The following SINHCAF variants were observed in gnomAD, a reference collection of about 807,000 sequenced individuals.
The protein encoded by SINHCAF is SIN3-HDAC complex-associated factor.
In SINHCAF, 3 loss-of-function variants were observed where a neutral mutation model predicts 25.8. The ratio of observed to expected loss-of-function variants is 0.12; its 90% CI spans 0.05 to 0.30. The LOEUF (loss-of-function observed/expected upper bound fraction) is 0.30, where lower values mean the gene tolerates loss of function less well. Among genes scored for constraint, SINHCAF ranks in the 10% least tolerant of loss-of-function variants. SINHCAF has a pLI of 1.00. For synonymous variants in SINHCAF, 70 were observed against 85.5 expected (o/e 0.82, Z 1.00); for missense variants, 121 against 262.3 (o/e 0.46, Z 3.72).
intron 1 of SINHCAF, among the ~76,000 whole-genome samples, chr12:31,299,071 G>A (rs1938670016): frequency 1.3e-5 from 2 of 151,880 alleles, no homozygotes; most frequent in African/African-American, 4.8e-5. Flanking sequence ...GTCAAGGAAG[G>A]AATGAAAACA....
At position 31,304,655 on chromosome 12, in the gene SINHCAF, T is replaced by C. The variant is rs77417367; in HGVS notation, c.-20-6431A>G. 14 of 152,300 alleles carry C rather than the reference T, an allele frequency of 9.2e-5. No individual in the cohort carries two copies. In the East Asian group the frequency reaches 2.3e-3, roughly 25 times the overall value. 9.4% of individuals were successfully genotyped at this position (152,300 alleles called of 1,614,324 possible). A position where few individuals can be genotyped will look rare whatever the true frequency, so the allele number is the denominator to read the frequency against. ...TTTGGAGGGAACTGATGTAAGTATA[T>C]GGTAACATTTGGAGTGTCAGAAAAA... On this transcript the variant is annotated intron_variant, in intron 1 of 5. Transcript: ENST00000337682.
intron 1 of SINHCAF, among the ~76,000 whole-genome samples, chr12:31,321,844 G>C (rs533619737): frequency 1.3e-5 from 2 of 152,176 alleles, no homozygotes; most frequent in Admixed American, 6.5e-5. Flanking sequence ...CTGTATAGTT[G>C]GTTTAGATTT....
chr12:31,287,611 G>C, intron 5 of SINHCAF, 23 bp downstream of exon 5: 1 of 1,557,782 alleles, frequency 6.4e-7, no homozygotes. Context: ...TTGCTGGTTA[G>C]AGAGATACTT....
chr12:31,286,308 T>C (rs191889526), intron 5 of SINHCAF, among the ~76,000 whole-genome samples: 1 of 152,202 alleles, frequency 6.6e-6, no homozygotes, highest in East Asian at 1.9e-4. Context: ...CTTAAAGGAA[T>C]GTTCAAATTT....
At chr12:31,323,867 G>T in intron 1 of SINHCAF, 1 of 440,016 alleles carries the variant, frequency 2.3e-6, no homozygotes, top group South Asian at 1.6e-5. Context: ...TGGGGAGGAG[G>T]TGCTCGCCGC....
At chr12:31,301,759 A>C (rs1041258576) in intron 1 of SINHCAF, among the ~76,000 whole-genome samples, 18 of 152,212 alleles carry the variant, frequency 1.2e-4, no homozygotes, top group East Asian at 3.9e-4. Context: ...AAAACAACAA[A>C]AAAAAAACAC....
At chr12:31,317,003 T>C (rs1182988222) in intron 1 of SINHCAF, among the ~76,000 whole-genome samples, 2 of 152,222 alleles carry the variant, frequency 1.3e-5, no homozygotes, top group African/African-American at 4.8e-5. Flanking sequence ...CATCATTATT[T>C]ACTCTAACTT....
At chr12:31,306,513 T>G (rs1006654240) in intron 1 of SINHCAF, among the ~76,000 whole-genome samples, 4 of 152,202 alleles carry the variant, frequency 2.6e-5, no homozygotes, top group Non-Finnish European at 5.9e-5. Flanking sequence ...CCCCCCCTTT[T>G]GTTTCCAGGT....
intron 4 of SINHCAF, among the ~76,000 whole-genome samples, chr12:31,288,217 C>T (rs1938156765): frequency 6.6e-6 from 1 of 151,954 alleles, no homozygotes; most frequent in African/African-American, 2.4e-5. Context: ...ACAACAACAA[C>T]AAAACAAAAA....
chr12:31,310,356 G>C (rs989705817), intron 1 of SINHCAF, among the ~76,000 whole-genome samples: 2 of 152,148 alleles, frequency 1.3e-5, no homozygotes, highest in African/African-American at 4.8e-5. Flanking sequence ...TTCTCCCAAA[G>C]AGTGAGTTAA....
intron 4 of SINHCAF, among the ~76,000 whole-genome samples, chr12:31,291,445 T>C (rs78386247): frequency 0.068 from 10,317 of 152,162 alleles, 879 homozygotes; most frequent in East Asian, 0.26. Flanking sequence ...CAATGCCTTT[T>C]CAGTACACCA....
chr12:31,325,424 A>T lies in SINHCAF; in HGVS notation c.-21+600T>A. 5.7e-6 allele frequency: 2 copies of T among 351,856 alleles called. No homozygotes were observed. Among genetic ancestry groups the T allele is most frequent in the South Asian group, 4.2e-5 (2 of 47,958 alleles). 21.8% of individuals were successfully genotyped at this position (351,856 alleles called of 1,614,324 possible). A position where few individuals can be genotyped will look rare whatever the true frequency, so the allele number is the denominator to read the frequency against. On this transcript the variant is annotated intron_variant, in intron 1 of 5. Coordinates refer to ENST00000337682, the MANE Select transcript of SINHCAF (RefSeq NM_001135812.2). This position sits in a 1 kb window ranked among gnomAD's most constrained non-coding sequence, Gnocchi z 5.9. Reference sequence around the variant, plus strand: ...CCGGCAGAGCCCAGCACTGACCCCCAAAGGCCGATTTAAAGACCCTCGGCC... The same window carrying T: ...CCGGCAGAGCCCAGCACTGACCCCCTAAGGCCGATTTAAAGACCCTCGGCC...
At chr12:31,285,768 A>T (rs1938036241) in intron 5 of SINHCAF, among the ~76,000 whole-genome samples, 1 of 152,016 alleles carries the variant, frequency 6.6e-6, no homozygotes, top group African/African-American at 2.4e-5. Context: ...TTGAAGCTAG[A>T]AGTTCAAGAC....
intron 1 of SINHCAF, chr12:31,311,878 A>T: frequency 2.0e-6 from 1 of 501,382 alleles, no homozygotes; most frequent in Middle Eastern, 4.5e-4. Context: ...CACTTGATGA[A>T]GGTGGCATCC....
chr12:31,315,003 A>T (rs1172593247), intron 1 of SINHCAF, among the ~76,000 whole-genome samples: 1 of 152,208 alleles, frequency 6.6e-6, no homozygotes, highest in East Asian at 1.9e-4. Context: ...TTCTCATTAG[A>T]TTGACTAAGT....
intron 1 of SINHCAF, chr12:31,323,894 G>A: frequency 2.2e-6 from 1 of 452,116 alleles, no homozygotes; most frequent in Middle Eastern, 3.3e-4. Flanking sequence ...CCGTTTCTCT[G>A]AAAGCAGTAA....
At chr12:31,313,340 T>C (rs1229633016) in intron 1 of SINHCAF, among the ~76,000 whole-genome samples, 1 of 152,202 alleles carries the variant, frequency 6.6e-6, no homozygotes, top group Non-Finnish European at 1.5e-5. Flanking sequence ...ATCACTCTTT[T>C]CTTTATTGCA....
intron 1 of SINHCAF, among the ~76,000 whole-genome samples, chr12:31,320,099 TACATCCTTTAA>T (rs1372308809): frequency 2.0e-5 from 3 of 152,236 alleles, no homozygotes; most frequent in Non-Finnish European, 2.9e-5. Context: ...CTGACTTCCC[TACATCCTTTAA>T]ACATGTGATA....
At chr12:31,318,975 C>T (rs1045648255) in intron 1 of SINHCAF, among the ~76,000 whole-genome samples, 2 of 152,128 alleles carry the variant, frequency 1.3e-5, no homozygotes, top group Non-Finnish European at 2.9e-5. Flanking sequence ...AAGATATATA[C>T]AACAAATTTA....
Sources: allele counts gnomAD v4.1 joint callset (sites outside exome capture counted in the v4.1 genomes callset), GRCh38; gene constraint gnomAD v4.1.1; non-coding constraint Gnocchi (gnomAD v3.1); transcripts MANE v1.5; gene names NCBI Gene and HGNC (gene_info 2026-07-23, HGNC 2026-07-21).